Variants in MIER2 observed in about 807,000 individuals in gnomAD.
MIER2 encodes the protein mesoderm induction early response protein 2.
A neutral mutation model predicts 67.6 loss-of-function variants in MIER2; 30 were observed. The ratio of observed to expected loss-of-function variants is 0.44; its 90% CI spans 0.33 to 0.60. MIER2 has a LOEUF of 0.60. MIER2 is among the 20% of genes least tolerant of loss of function. MIER2 has a pLI of 0.02. For missense variants in MIER2, 702 were observed against 745.1 expected (o/e 0.94, Z 0.67); for synonymous variants, 372 against 312.6 (o/e 1.19, Z -2.00).
At chr19:316,259 T>G (rs1971229175) in intron 7 of MIER2, among the ~76,000 whole-genome samples, 1 of 152,186 alleles carries the variant, frequency 6.6e-6, no homozygotes, top group South Asian at 2.1e-4. Context: ...GAATGTTCAC[T>G]GTTTAAAACA....
At chr19:317,816 A>C (rs899717864) in intron 7 of MIER2, among the ~76,000 whole-genome samples, 1 of 152,100 alleles carries the variant, frequency 6.6e-6, no homozygotes, top group South Asian at 2.1e-4. Context: ...GGCATTACAC[A>C]ATTGTTTTAT....
At chr19:316,639 G>C (rs1245699287) in intron 7 of MIER2, among the ~76,000 whole-genome samples, 1 of 152,202 alleles carries the variant, frequency 6.6e-6, no homozygotes, top group African/African-American at 2.4e-5. Flanking sequence ...GGTAAATTGA[G>C]TTAAACTGTT....
chr19:312,366 G>T, intron 8 of MIER2, 94 bp from the exon 9 acceptor site: 1 of 1,220,608 alleles, frequency 8.2e-7, no homozygotes, highest in Non-Finnish European at 1.2e-6. Context: ...ATCAGGGGCC[G>T]TCCACACCAC....
At chr19:318,590 C>A (rs1250868712) in intron 7 of MIER2, among the ~76,000 whole-genome samples, 1 of 152,162 alleles carries the variant, frequency 6.6e-6, no homozygotes, top group South Asian at 2.1e-4. Flanking sequence ...TCCAGCGGAT[C>A]CAAGGGAATA....
intron 6 of MIER2, 136 bp from the exon 7 acceptor site, chr19:325,840 G>T: frequency 1.1e-6 from 1 of 904,154 alleles, no homozygotes; most frequent in Non-Finnish European, 1.8e-6. Context: ...CCGTCTACCT[G>T]CTGATGCCCA....
intron 8 of MIER2, among the ~76,000 whole-genome samples, chr19:313,231 A>T (rs1266441375): frequency 6.6e-6 from 1 of 151,830 alleles, no homozygotes. Context: ...AGGGCCACCT[A>T]CACCTCTATC....
chr19:326,983 C>A lies in MIER2; in HGVS notation c.493+150G>T, dbSNP rs547386480. On this transcript the variant is annotated intron_variant, in intron 5 of 13. Coordinates refer to ENST00000264819, the MANE Select transcript of MIER2 (RefSeq NM_017550.3). ...GGCCAGCGTGGAGGAGAACAAAGCA[C>A]CCCCAGGGCTACTGACGCTTCCCGC... The A allele has an allele frequency of 2.7e-6, 3 of 1,125,110 alleles. No individual in the cohort carries two copies. In the South Asian group the frequency reaches 5.0e-5, roughly 19 times the overall value. 69.7% of individuals were successfully genotyped at this position (1,125,110 alleles called of 1,614,324 possible). A position where few individuals can be genotyped will look rare whatever the true frequency, so the allele number is the denominator to read the frequency against.
chr19:328,090 C>T (rs1971848425), intron 3 of MIER2, 101 bp from the exon 4 acceptor site: 1 of 1,507,472 alleles, frequency 6.6e-7, no homozygotes, highest in Non-Finnish European at 8.9e-7. Context: ...ACCAGGGCCA[C>T]TCTGTCACAC....
At position 317,945 on chromosome 19, in the gene MIER2, T is replaced by C. The variant is rs1379196732; in HGVS notation, c.656-4302A>G. The stretch of plus-strand genomic sequence containing the variant: ...TAGGTCGGACACAGTGGCTCACACC[T>C]ATAATCCCAGCACATTGGGAGGCCG... On this transcript the variant is annotated intron_variant, in intron 7 of 13. Transcript: ENST00000264819. 2.0e-5 allele frequency among the ~76,000 whole-genome samples: 3 copies of C among 152,324 alleles called. No individual in the cohort carries two copies. The East Asian group carries it at 5.8e-4, about 29-fold the overall frequency.
At chr19:339,525 T>C (rs938356126) in intron 1 of MIER2, among the ~76,000 whole-genome samples, 4 of 152,210 alleles carry the variant, frequency 2.6e-5, no homozygotes, top group Admixed American at 6.5e-5. Context: ...TGCAGCCACT[T>C]TGGAAAATAG....
chr19:315,192 C>G (rs1971186308), intron 7 of MIER2, among the ~76,000 whole-genome samples: 2 of 152,138 alleles, frequency 1.3e-5, no homozygotes, highest in African/African-American at 4.8e-5. Flanking sequence ...TGGCGAAACC[C>G]CAGCTCTACT....
rs375129664 is a variant in MIER2 at position 308,848 on chromosome 19, G to C, written c.1062C>G (p.Ala354=). ...WKKSERYDYF[A]QQTRLGRRKY... is the part of the protein sequence containing the mutation. ...TCCTCCGGCCCAGCCGCGTCTGCTGGGCGAAGTAGTCGTAGCGCTCCGACT... is the reference window on the plus strand; with the variant it reads ...TCCTCCGGCCCAGCCGCGTCTGCTGCGCGAAGTAGTCGTAGCGCTCCGACT... Residue 354 remains alanine (A), a synonymous_variant, in exon 11 of 14, where the codon GCC becomes GCG. Transcript: ENST00000264819. This position sits in a 1 kb window ranked among gnomAD's most constrained non-coding sequence, Gnocchi z 9.1. 1 of 1,610,986 alleles carries C rather than the reference G, an allele frequency of 6.2e-7. No individual in the cohort carries two copies. Among genetic ancestry groups the C allele is most frequent in the Non-Finnish European group, 8.5e-7 (1 of 1,177,980 alleles).
chr19:325,529 C>A, intron 7 of MIER2, 106 bp downstream of exon 7: 1 of 1,294,546 alleles, frequency 7.7e-7, no homozygotes. Flanking sequence ...CCCCAGTGAG[C>A]GATGCGGGGC....
rs557699580 is a variant in MIER2, at chr19:308,987, C to T, written c.985-62G>A. 197 of 1,563,912 alleles carry T rather than the reference C, an allele frequency of 1.3e-4. No homozygotes were observed. The highest frequency in any genetic ancestry group is 1.5e-4 in the Non-Finnish European group (175 of 1,149,830). ...CTGCCCAGCCCCAGCACCTGCACCA[C>T]GATCCCAGGACGTCCTGGGACCCCG... On this transcript the variant is annotated intron_variant, in intron 10 of 13. Transcript: ENST00000264819. This position sits in a 1 kb window ranked among gnomAD's most constrained non-coding sequence, Gnocchi z 9.1.
intron 2 of MIER2, among the ~76,000 whole-genome samples, chr19:335,156 C>T (rs1184985498): frequency 6.6e-6 from 1 of 152,218 alleles, no homozygotes; most frequent in Non-Finnish European, 1.5e-5. Context: ...GTTTACTCTC[C>T]AATTGGTCAA....
At chr19:325,820 C>A in intron 6 of MIER2, 116 bp from the exon 7 acceptor site, 1 of 1,104,260 alleles carries the variant, frequency 9.1e-7, no homozygotes, top group Non-Finnish European at 1.4e-6. Context: ...AGACCCCAGA[C>A]CCATCTGTGC....
chr19:332,568 C>G (rs1972076980), intron 3 of MIER2, among the ~76,000 whole-genome samples: 1 of 147,814 alleles, frequency 6.8e-6, no homozygotes, highest in Non-Finnish European at 1.5e-5. Flanking sequence ...TCCCAAAGTG[C>G]TGGGATTACA....
chr19:321,741 C>T (rs2145434027), intron 7 of MIER2, among the ~76,000 whole-genome samples: 1 of 152,184 alleles, frequency 6.6e-6, no homozygotes, highest in East Asian at 1.9e-4. Flanking sequence ...AGTTAGAAGA[C>T]TTGCACCACC....
At chr19:337,107 G>A (rs1245861734) in intron 1 of MIER2, among the ~76,000 whole-genome samples, 1 of 152,122 alleles carries the variant, frequency 6.6e-6, no homozygotes, top group Non-Finnish European at 1.5e-5. Flanking sequence ...GCCTCCCAAA[G>A]TGCTGGCATT....
Sources: gnomAD v4.1 joint callset for allele counts (sites outside exome capture counted in the v4.1 genomes callset) on GRCh38, gnomAD v4.1.1 for gene constraint, Gnocchi (gnomAD v3.1) non-coding constraint, MANE v1.5 for transcripts, NCBI Gene and HGNC (gene_info 2026-07-23, HGNC 2026-07-21) for gene names.